The following MICAL3 variants were observed in gnomAD, a reference collection of about 807,000 sequenced individuals.
The protein encoded by MICAL3 is [F-actin]-monooxygenase MICAL3.
A neutral mutation model predicts 207.4 loss-of-function variants in MICAL3; 62 were observed. The observed-to-expected ratio is 0.30, with a 90% CI of 0.24 to 0.37. The LOEUF is 0.37. MICAL3 is among the 10% of genes least tolerant of loss of function. The pLI is 1.00. For synonymous variants in MICAL3, 1,077 were observed against 1,069.3 expected (o/e 1.01, Z -0.14); for missense variants, 2,368 against 2,635.6 (o/e 0.90, Z 2.22).
At position 17,789,770 on chromosome 22, in the gene MICAL3, C is replaced by T. The variant is rs1190150607; in HGVS notation, c.*962G>A. On this transcript the variant is annotated 3_prime_UTR_variant, in exon 32 of 32. Coordinates refer to ENST00000441493, the MANE Select transcript of MICAL3 (RefSeq NM_015241.3). ...CGCACCCGGGCGCAGGTGATCAGTT[C>T]CTCTAGTAAAGATACACAAACGAAG... 1 of 152,218 alleles carries T rather than the reference C, an allele frequency of 6.6e-6. No homozygotes were observed. Among genetic ancestry groups the T allele is most frequent in the Non-Finnish European group, 1.5e-5 (1 of 68,040 alleles). The allele number at this position is 152,218 out of a possible 1,614,324, so 9.4% of individuals were successfully genotyped here. A position where few individuals can be genotyped will look rare whatever the true frequency, so the allele number is the denominator to read the frequency against.
chr22:18,003,159 C>CA (rs770213307), intron 1 of MICAL3, among the ~76,000 whole-genome samples: 15,933 of 106,850 alleles, frequency 0.15, 1,060 homozygotes, highest in Middle Eastern at 0.25. Context: ...GACTCCATCT[C>CA]AAAAAAAAAA....
At chr22:17,954,798 G>A (rs939958686) in intron 1 of MICAL3, among the ~76,000 whole-genome samples, 2 of 151,528 alleles carry the variant, frequency 1.3e-5, no homozygotes, top group African/African-American at 2.4e-5. Context: ...CCAGGCTGGA[G>A]TGTAGTGGTG....
At chr22:18,017,479 T>C (rs868839327) in intron 1 of MICAL3, among the ~76,000 whole-genome samples, 2 of 152,190 alleles carry the variant, frequency 1.3e-5, no homozygotes, top group Middle Eastern at 6.8e-3. Context: ...CCTCCCAAAG[T>C]GCTGGGATTA....
At chr22:17,961,968 C>T (rs1110661) in intron 1 of MICAL3, among the ~76,000 whole-genome samples, 30,450 of 152,150 alleles carry the variant, frequency 0.2, 3,211 homozygotes, top group Middle Eastern at 0.27. Context: ...CAAATCCATA[C>T]AACCTATTCC....
chr22:17,791,342 G>A (rs2061822518), intron 29 of MICAL3, 41 bp from the exon 30 acceptor site: 10 of 1,505,164 alleles, frequency 6.6e-6, no homozygotes, highest in South Asian at 2.3e-5. Flanking sequence ...GGAGTGCCGC[G>A]CCCACCCTGG....
intron 1 of MICAL3, among the ~76,000 whole-genome samples, chr22:17,955,846 T>C (rs947748460): frequency 2.6e-5 from 4 of 152,168 alleles, no homozygotes; most frequent in African/African-American, 9.7e-5. Flanking sequence ...CTGCTGAGGA[T>C]TGGACCGGGA....
intron 1 of MICAL3, among the ~76,000 whole-genome samples, chr22:17,978,244 T>C (rs1020006334): frequency 2.0e-5 from 3 of 152,162 alleles, no homozygotes; most frequent in Admixed American, 6.5e-5. Flanking sequence ...TGCTACAACA[T>C]GAATGAATCT....
At chr22:18,011,525 G>A (rs547781141) in intron 1 of MICAL3, among the ~76,000 whole-genome samples, 104 of 150,540 alleles carry the variant, frequency 6.9e-4, no homozygotes, top group Middle Eastern at 3.6e-3. Context: ...CCGAGATCAC[G>A]CCATTGCACT....
intron 16 of MICAL3, among the ~76,000 whole-genome samples, chr22:17,874,940 G>A (rs181766980): frequency 6.6e-6 from 1 of 152,332 alleles, no homozygotes; most frequent in African/African-American, 2.4e-5. Flanking sequence ...GAGTGGCAAA[G>A]AGACCTTCCA....
intron 1 of MICAL3, among the ~76,000 whole-genome samples, chr22:17,958,067 G>C (rs560581854): frequency 6.6e-6 from 1 of 152,178 alleles, no homozygotes; most frequent in Non-Finnish European, 1.5e-5. Context: ...GGCATAACAC[G>C]ATCTCTTTAG....
chr22:17,973,439 A>G (rs935419657), intron 1 of MICAL3, among the ~76,000 whole-genome samples: 2 of 152,184 alleles, frequency 1.3e-5, no homozygotes, highest in Non-Finnish European at 2.9e-5. Context: ...CTTGATCATC[A>G]TGAGGCCCAG....
At chr22:17,824,964 A>G (rs952299610) in intron 22 of MICAL3, among the ~76,000 whole-genome samples, 1 of 152,200 alleles carries the variant, frequency 6.6e-6, no homozygotes, top group Admixed American at 6.5e-5. Flanking sequence ...TCCCATGGAG[A>G]GGGCCACTGT....
chr22:17,906,124 G>C (rs151086159), intron 2 of MICAL3, among the ~76,000 whole-genome samples: 22 of 152,284 alleles, frequency 1.4e-4, no homozygotes, highest in African/African-American at 4.8e-4. Context: ...ACCACGTGAG[G>C]TTCAAAAGAG....
At chr22:17,833,621 C>A (rs1049253838) in intron 20 of MICAL3, among the ~76,000 whole-genome samples, 1 of 152,210 alleles carries the variant, frequency 6.6e-6, no homozygotes, top group Non-Finnish European at 1.5e-5. Flanking sequence ...CCTAGACACG[C>A]CTGGGGTGCC....
chr22:17,881,400 A>C (rs898608251), intron 16 of MICAL3: 3 of 998,874 alleles, frequency 3.0e-6, no homozygotes, highest in Non-Finnish European at 4.5e-6. Context: ...TGTCAGAAGC[A>C]CCCCAGGGAG....
intron 19 of MICAL3, among the ~76,000 whole-genome samples, chr22:17,843,563 GCCGT>G (rs1481349362): frequency 6.6e-6 from 1 of 152,196 alleles, no homozygotes; most frequent in African/African-American, 2.4e-5. Context: ...ACCTCCCAGA[GCCGT>G]CATGGACACC....
intron 16 of MICAL3, among the ~76,000 whole-genome samples, chr22:17,885,491 TATTA>T (rs1329337455): frequency 6.6e-6 from 1 of 152,172 alleles, no homozygotes; most frequent in African/African-American, 2.4e-5. Context: ...GGCAGGAAAA[TATTA>T]ATTAATAGAA....
At chr22:17,795,147 G>A (rs1034323023) in intron 29 of MICAL3, among the ~76,000 whole-genome samples, 1 of 152,258 alleles carries the variant, frequency 6.6e-6, no homozygotes, top group African/African-American at 2.4e-5. Context: ...CAGTGTGCAT[G>A]CGTGTGAAAT....
intron 1 of MICAL3, among the ~76,000 whole-genome samples, chr22:17,976,276 G>A (rs973475822): frequency 1.3e-5 from 2 of 151,982 alleles, no homozygotes; most frequent in African/African-American, 4.8e-5. Context: ...GTTAAATTCC[G>A]TGTCTTATAC....
Sources: allele counts gnomAD v4.1 joint callset (sites outside exome capture counted in the v4.1 genomes callset), GRCh38; gene constraint gnomAD v4.1.1; transcripts MANE v1.5; gene names NCBI Gene and HGNC (gene_info 2026-07-23, HGNC 2026-07-21).